Variants in ADGRL3 observed in about 807,000 individuals in gnomAD.
ADGRL3 encodes calcium-independent alpha-latrotoxin receptor 3.
A neutral mutation model predicts 153.5 loss-of-function variants in ADGRL3; 62 were observed. That is an observed-to-expected ratio of 0.40 (90% CI 0.33 to 0.50). ADGRL3 has a LOEUF of 0.50. ADGRL3 is among the 20% of genes least tolerant of loss of function. The pLI is 0.47. For missense variants in ADGRL3, 1,641 were observed against 1,859.4 expected (o/e 0.88, Z 2.16); for synonymous variants, 710 against 672.5 (o/e 1.06, Z -0.86).
chr4:61,880,569 A>G (rs1480867932), intron 9 of ADGRL3, among the ~76,000 whole-genome samples: 1 of 152,208 alleles, frequency 6.6e-6, no homozygotes, highest in Non-Finnish European at 1.5e-5. Context: ...CCCATTATGC[A>G]TCTATTGAGT....
chr4:61,926,868 ACT>A (rs1435035879), intron 13 of ADGRL3, among the ~76,000 whole-genome samples: 1 of 151,744 alleles, frequency 6.6e-6, no homozygotes, highest in African/African-American at 2.4e-5. Context: ...AACCCCTTAT[ACT>A]CTCTGCTCTA....
intron 2 of ADGRL3, among the ~76,000 whole-genome samples, chr4:61,457,903 T>TAGATAGAA (rs2097772232): frequency 6.6e-6 from 1 of 150,636 alleles, no homozygotes; most frequent in Admixed American, 6.7e-5. Flanking sequence ...GATAGATAGA[T>TAGATAGAA]GCAGCCGTTT....
chr4:61,221,132 C>T (rs552722794), intron 1 of ADGRL3, among the ~76,000 whole-genome samples: 1 of 152,194 alleles, frequency 6.6e-6, no homozygotes, highest in South Asian at 2.1e-4. Flanking sequence ...GACCTTTATC[C>T]TAAGTTAACT....
Position 61,813,893 on chromosome 4 carries a change from A to G in ADGRL3, c.1480+4A>G. The G allele has an allele frequency of 6.2e-7, 1 of 1,607,278 alleles. No individual in the cohort carries two copies. Among genetic ancestry groups the G allele is most frequent in the Non-Finnish European group, 8.5e-7 (1 of 1,174,006 alleles). ...CTAGAAAGACCCTCTGTTAAAGGTG[A>G]GTTTTTCTTTATATGAAGAAAAAGT... On this transcript the variant is annotated splice_donor_region_variant and intron_variant, in intron 9 of 26. Coordinates refer to ENST00000683033, the MANE Select transcript of ADGRL3 (RefSeq NM_001387552.1).
chr4:61,386,529 TG>T (rs2096738193), intron 2 of ADGRL3, among the ~76,000 whole-genome samples: 2 of 152,188 alleles, frequency 1.3e-5, no homozygotes, highest in Admixed American at 1.3e-4. Context: ...TTTATACTCA[TG>T]GTCAATCTAG....
intron 4 of ADGRL3, among the ~76,000 whole-genome samples, chr4:61,526,208 C>A (rs2098557622): frequency 2.6e-5 from 4 of 152,232 alleles, no homozygotes; most frequent in Admixed American, 2.6e-4. Context: ...AGGGTGATCA[C>A]CGAGCATGAG....
chr4:62,056,989 A>G (rs993191365), intron 25 of ADGRL3, among the ~76,000 whole-genome samples: 2 of 152,148 alleles, frequency 1.3e-5, no homozygotes, highest in Non-Finnish European at 1.5e-5. Context: ...AACTTTGGCC[A>G]TTCAATATGA....
At chr4:61,828,402 TAA>T (rs1021070933) in intron 9 of ADGRL3, among the ~76,000 whole-genome samples, 3 of 152,006 alleles carry the variant, frequency 2.0e-5, no homozygotes, top group African/African-American at 7.2e-5. Flanking sequence ...AAATATAAAT[TAA>T]AAAAAGCGCA....
At chr4:61,420,007 G>C (rs1483509882) in intron 2 of ADGRL3, among the ~76,000 whole-genome samples, 1 of 151,806 alleles carries the variant, frequency 6.6e-6, no homozygotes, top group Admixed American at 6.6e-5. Flanking sequence ...TCACCATGTT[G>C]GCCAGGCTGG....
At chr4:62,031,738 T>C (rs1294825628) in intron 23 of ADGRL3, 128 bp downstream of exon 23, 1 of 651,866 alleles carries the variant, frequency 1.5e-6, no homozygotes, top group African/African-American at 1.8e-5. Context: ...TCATCATTTA[T>C]AACAGTAAAG....
chr4:61,938,658 C>T (rs1328662581), intron 15 of ADGRL3, among the ~76,000 whole-genome samples: 1 of 151,956 alleles, frequency 6.6e-6, no homozygotes, highest in Admixed American at 6.6e-5. Flanking sequence ...ATTGCTGTAC[C>T]ACTTCCTGCT....
At chr4:62,047,512 T>C (rs1233044936) in intron 25 of ADGRL3, among the ~76,000 whole-genome samples, 1 of 152,106 alleles carries the variant, frequency 6.6e-6, no homozygotes, top group Non-Finnish European at 1.5e-5. Context: ...GCTTGTTGTA[T>C]CATAAGTATG....
At chr4:61,870,374 T>A (rs1177098067) in intron 9 of ADGRL3, among the ~76,000 whole-genome samples, 2 of 152,076 alleles carry the variant, frequency 1.3e-5, no homozygotes, top group African/African-American at 4.8e-5. Context: ...AATAAATAAA[T>A]CTTCTTGACC....
At position 61,935,773 on chromosome 4, in the gene ADGRL3, C is replaced by T. The variant is rs2098835808; in HGVS notation, c.2297-150C>T. ...TTGCATTATTTTGATAAAATACTAACAATATATTTTCTTAAAGATTTTCAT... is the reference window on the plus strand; with the variant it reads ...TTGCATTATTTTGATAAAATACTAATAATATATTTTCTTAAAGATTTTCAT... On this transcript the variant is annotated intron_variant, in intron 14 of 26. Coordinates refer to ENST00000683033, the MANE Select transcript of ADGRL3 (RefSeq NM_001387552.1). 9 of 704,822 alleles carry T rather than the reference C, an allele frequency of 1.3e-5. No homozygotes were observed. The South Asian group carries it at 2.0e-4, about 16-fold the overall frequency. The allele number at this position is 704,822 out of a possible 1,614,324, so 43.7% of individuals were successfully genotyped here. A position where few individuals can be genotyped will look rare whatever the true frequency, so the allele number is the denominator to read the frequency against.
intron 2 of ADGRL3, among the ~76,000 whole-genome samples, chr4:61,409,290 TATTA>T (rs1301437712): frequency 7.0e-6 from 1 of 143,630 alleles, no homozygotes; most frequent in Non-Finnish European, 1.5e-5. Flanking sequence ...ATATTATATA[TATTA>T]GACATCCATT....
intron 1 of ADGRL3, among the ~76,000 whole-genome samples, chr4:61,296,535 T>TAA (rs1032264513): frequency 6.6e-6 from 1 of 152,186 alleles, no homozygotes; most frequent in African/African-American, 2.4e-5. Context: ...ATAAATTGCT[T>TAA]AAGGATTTAA....
At chr4:61,232,312 AT>A (rs71664985) in intron 1 of ADGRL3, among the ~76,000 whole-genome samples, 88,957 of 147,084 alleles carry the variant, frequency 0.6, 28,662 homozygotes, top group Middle Eastern at 0.73. Flanking sequence ...ATGTCACTTC[AT>A]TTTTTTTTTT....
At chr4:62,012,809 A>G (rs2099192741) in intron 21 of ADGRL3, among the ~76,000 whole-genome samples, 1 of 152,178 alleles carries the variant, frequency 6.6e-6, no homozygotes, top group South Asian at 2.1e-4. Context: ...GCAGAATGCA[A>G]TTATGAGGTA....
At chr4:61,968,334 A>G (rs2099014308) in intron 17 of ADGRL3, among the ~76,000 whole-genome samples, 1 of 152,194 alleles carries the variant, frequency 6.6e-6, no homozygotes, top group African/African-American at 2.4e-5. Context: ...AAACAACTCA[A>G]GTAGAGTCAG....
Sources: allele counts gnomAD v4.1 joint callset (sites outside exome capture counted in the v4.1 genomes callset), GRCh38; gene constraint gnomAD v4.1.1; transcripts MANE v1.5; gene names NCBI Gene and HGNC (gene_info 2026-07-23, HGNC 2026-07-21).